The following C9orf43 variants were observed in gnomAD, a reference collection of about 807,000 sequenced individuals.
The protein encoded by C9orf43 is chromosome 9 open reading frame 43, also known as uncharacterized protein C9orf43.
Under a neutral mutation model 59.1 loss-of-function variants are expected in C9orf43, and 45 were observed. The observed-to-expected ratio is 0.76, with a 90% CI of 0.60 to 0.98. C9orf43 has a LOEUF of 0.98. Ranked by LOEUF, C9orf43 falls within the 50% of genes least tolerant of loss-of-function variation. The probability of loss-of-function intolerance (pLI) is 0.00; values close to 1 mark genes in which losing one functional copy is unlikely to be tolerated. For missense variants in C9orf43, 533 were observed against 554.9 expected (o/e 0.96, Z 0.40); for synonymous variants, 203 against 196.8 (o/e 1.03, Z -0.26).
At chr9:113,428,388 G>A (rs989519826) in intron 12 of C9orf43, among the ~76,000 whole-genome samples, 165 bp downstream of exon 12, 3 of 152,210 alleles carry the variant, frequency 2.0e-5, no homozygotes, top group Admixed American at 6.5e-5. Context: ...GCTGGGCTGA[G>A]GCTGTTGGCC....
chr9:113,419,028 A>G, intron 3 of C9orf43, 80 bp from the exon 4 acceptor site: 1 of 1,144,710 alleles, frequency 8.7e-7, no homozygotes. Context: ...GATAAGTAGA[A>G]GGATTTCCTC....
At position 113,410,858 on chromosome 9, in the gene C9orf43, C is replaced by T. The variant is rs573976143; in HGVS notation, c.-193C>T. The T allele has an allele frequency of 2.9e-5, 23 of 798,006 alleles. No individual in the cohort carries two copies. Among genetic ancestry groups the T allele is most frequent in the East Asian group, 1.2e-4 (1 of 8,042 alleles). The allele number at this position is 798,006 out of a possible 1,614,324, so 49.4% of individuals were successfully genotyped here. A position where few individuals can be genotyped will look rare whatever the true frequency, so the allele number is the denominator to read the frequency against. On this transcript the variant is annotated 5_prime_UTR_variant, in exon 1 of 14. Transcript: ENST00000374165. ...CCTAAGCGGTTTGGAATCTGCTTTG[C>T]TCTCACAGGACCTCAGCCCGTCGTG...
Position 113,425,654 on chromosome 9 carries a change from G to A in C9orf43, c.954G>A (p.Lys318=). ...KTPIKKQEAK[K]KAKSDPGIQS... is the part of the protein sequence containing the mutation. The stretch of plus-strand genomic sequence containing the variant: ...GATGTGGGTTTCAGGAGGCTAAAAA[G>A]AAAGCCAAGAGTGATCCAGGGATCC... The change falls in exon 11 of 14, where the codon AAG becomes AAA. Residue 318 remains lysine, a synonymous_variant. Coordinates refer to ENST00000374165, the MANE Select transcript of C9orf43 (RefSeq NM_001278629.2). The A allele has an allele frequency of 6.2e-7, 1 of 1,614,014 alleles. No homozygotes were observed. The highest frequency in any genetic ancestry group is 8.5e-7 in the Non-Finnish European group (1 of 1,179,938).
chr9:113,417,190 CATA>C (rs1346559247), intron 3 of C9orf43, among the ~76,000 whole-genome samples: 2 of 152,178 alleles, frequency 1.3e-5, no homozygotes, highest in East Asian at 3.8e-4. Context: ...GTAGTGGAAA[CATA>C]ATAAGTATTT....
intron 3 of C9orf43, among the ~76,000 whole-genome samples, chr9:113,414,209 G>A (rs918364917): frequency 6.6e-6 from 1 of 152,148 alleles, no homozygotes; most frequent in Non-Finnish European, 1.5e-5. Flanking sequence ...GTGTTGCCAA[G>A]ACTGTTTGCT....
At chr9:113,422,738 C>A (rs576780247) in intron 6 of C9orf43, among the ~76,000 whole-genome samples, 153 bp downstream of exon 6, 114 of 152,248 alleles carry the variant, frequency 7.5e-4, no homozygotes, top group African/African-American at 2.6e-3. Context: ...ATTAACCAAA[C>A]CATTCTCTAT....
intron 11 of C9orf43, among the ~76,000 whole-genome samples, chr9:113,427,382 G>A (rs1434664702): frequency 3.9e-5 from 6 of 152,148 alleles, no homozygotes; most frequent in Non-Finnish European, 7.3e-5. Flanking sequence ...TCTCCATGTT[G>A]GTCAGGCTGG....
At chr9:113,424,497 A>G (rs890950465) in intron 8 of C9orf43, among the ~76,000 whole-genome samples, 181 bp downstream of exon 8, 11 of 151,332 alleles carry the variant, frequency 7.3e-5, no homozygotes, top group African/African-American at 2.2e-4. Flanking sequence ...AAGTGTTGAG[A>G]GAGCAATGTT....
rs371411370 is a variant in C9orf43 at position 113,423,364 on chromosome 9, C to T, written c.522C>T (p.Ser174=). 3.1e-5 allele frequency: 50 copies of T among 1,614,006 alleles called. No individual in the cohort carries two copies. The East Asian group carries it at 4.0e-4, about 13-fold the overall frequency. Residue 174 remains serine, a synonymous_variant, in exon 7 of 14, where the codon TCC becomes TCT. Coordinates refer to ENST00000374165, the MANE Select transcript of C9orf43 (RefSeq NM_001278629.2). ...TTCTGGGTCTCTCTGGAAATCAGTC[C>T]GCAGGAACACGAGTAGGAACACCAG... ...KSFLGLSGNQ[S]AGTRVGTPGM...
chr9:113,421,336 G>T lies in C9orf43; in HGVS notation c.446+133G>T, dbSNP rs996447677. On this transcript the variant is annotated intron_variant, in intron 5 of 13. Transcript: ENST00000374165. Reference sequence around the variant, plus strand: ...AGGAGGCCAAGCAGAGAAGGTCGTGGTCTGTTGCATCTGCCTTTTGCTACA... The same window carrying T: ...AGGAGGCCAAGCAGAGAAGGTCGTGTTCTGTTGCATCTGCCTTTTGCTACA... 1.7e-5 allele frequency: 11 copies of T among 642,046 alleles called. No homozygotes were observed. In the South Asian group the frequency reaches 1.9e-4, roughly 11 times the overall value. 39.8% of individuals were successfully genotyped at this position (642,046 alleles called of 1,614,324 possible). A position where few individuals can be genotyped will look rare whatever the true frequency, so the allele number is the denominator to read the frequency against.
intron 9 of C9orf43, 126 bp from the exon 10 acceptor site, chr9:113,425,218 C>T: frequency 2.0e-6 from 3 of 1,485,260 alleles, no homozygotes; most frequent in Non-Finnish European, 2.8e-6. Context: ...ACAATAGTTT[C>T]AGGAAGCAGC....
intron 12 of C9orf43, 45 bp downstream of exon 12, chr9:113,428,268 C>G: frequency 6.5e-7 from 1 of 1,542,390 alleles, no homozygotes; most frequent in Non-Finnish European, 9.0e-7. Context: ...TTTCAGTTAT[C>G]TATTACTATG....
intron 7 of C9orf43, 152 bp from the exon 8 acceptor site, chr9:113,424,014 C>A: frequency 1.3e-6 from 1 of 792,148 alleles, no homozygotes; most frequent in Non-Finnish European, 2.0e-6. Flanking sequence ...GTAGTTGCAT[C>A]AGAAAAGTGT....
chr9:113,428,946 T>C lies in C9orf43; in HGVS notation c.1154T>C (p.Phe385Ser), dbSNP rs1234227870. 6.2e-7 allele frequency: 1 copy of C among 1,613,888 alleles called. No individual in the cohort carries two copies. The highest frequency in any genetic ancestry group is 8.5e-7 in the Non-Finnish European group (1 of 1,179,746). ...ATGAACTACTATGACCATGCGGATT[T>C]CCACCACAGTGTAAAAAGTAAGTTA... ...PKMNYYDHAD[F>S]HHSVKSPELY... is the part of the protein sequence containing the mutation. The change falls in exon 13 of 14, where the codon TTC becomes TCC. Residue 385 changes from phenylalanine (F) to serine (S), a missense_variant. Coordinates refer to ENST00000374165, the MANE Select transcript of C9orf43 (RefSeq NM_001278629.2).
chr9:113,413,367 A>G, intron 1 of C9orf43, 78 bp from the exon 2 acceptor site: 2 of 1,292,728 alleles, frequency 1.5e-6, no homozygotes, highest in South Asian at 3.6e-5. Context: ...AATATTTTAT[A>G]CTGTGAGTTC....
intron 6 of C9orf43, among the ~76,000 whole-genome samples, chr9:113,422,946 A>C (rs1273325438): frequency 6.6e-6 from 1 of 152,186 alleles, no homozygotes; most frequent in Non-Finnish European, 1.5e-5. Flanking sequence ...TTTATGAGTA[A>C]ATGTGACCTT....
In C9orf43 at chr9:113,410,787, C is replaced by T. The variant is rs1193581850; in HGVS notation, c.-264C>T. On this transcript the variant is annotated 5_prime_UTR_variant, in exon 1 of 14. Transcript: ENST00000374165. ...CTCTGGGCCCGCCGGGTCCGTTAAT[C>T]TCACCGCGCCGCAAGGGGCCACGTT... 3 of 276,004 alleles carry T rather than the reference C, an allele frequency of 1.1e-5. No homozygotes were observed. Among genetic ancestry groups the T allele is most frequent in the African/African-American group, 2.3e-5 (1 of 43,818 alleles). The allele number at this position is 276,004 out of a possible 1,614,324, so 17.1% of individuals were successfully genotyped here. A position where few individuals can be genotyped will look rare whatever the true frequency, so the allele number is the denominator to read the frequency against.
chr9:113,427,463 C>T (rs779852756), intron 11 of C9orf43, among the ~76,000 whole-genome samples: 3 of 152,250 alleles, frequency 2.0e-5, no homozygotes, highest in Non-Finnish European at 4.4e-5. Context: ...AGGCGTGAGC[C>T]ACTGCGCCCA....
intron 3 of C9orf43, 89 bp downstream of exon 3, chr9:113,413,983 G>A: frequency 7.1e-7 from 1 of 1,405,780 alleles, no homozygotes; most frequent in Non-Finnish European, 9.6e-7. Flanking sequence ...CTTTGAGAAA[G>A]CTAGATTAAA....
Sources: gnomAD v4.1 joint callset for allele counts (sites outside exome capture counted in the v4.1 genomes callset) on GRCh38, gnomAD v4.1.1 for gene constraint, MANE v1.5 for transcripts, NCBI Gene and HGNC (gene_info 2026-07-23, HGNC 2026-07-21) for gene names.